ADAMTS12: variants seen among roughly 807,000 people sequenced by gnomAD.
ADAMTS12 encodes the protein A disintegrin and metalloproteinase with thrombospondin motifs 12.
Under a neutral mutation model 167.8 loss-of-function variants are expected in ADAMTS12, and 118 were observed. The observed-to-expected ratio is 0.70, with a 90% CI of 0.61 to 0.82. The LOEUF is 0.82. Ranked by LOEUF, ADAMTS12 falls within the 40% of genes least tolerant of loss-of-function variation. The pLI, the probability that ADAMTS12 is intolerant of heterozygous loss-of-function variation, is 0.00. For missense variants in ADAMTS12, 1,916 were observed against 1,998.8 expected (o/e 0.96, Z 0.79); for synonymous variants, 704 against 716.9 (o/e 0.98, Z 0.29).
chr5:33,576,566 C>T lies in ADAMTS12; in HGVS notation c.3460G>A (p.Glu1154Lys), dbSNP rs751572467. The change falls in exon 19 of 24, where the codon GAG (glutamate) becomes AAG (lysine). Residue 1154 changes from glutamate (E) to lysine (K), a missense_variant. Coordinates refer to ENST00000504830, the MANE Select transcript of ADAMTS12 (RefSeq NM_030955.4). ...YNTLTKGPEMEIHSGSGEERE... is the reference protein window; with the variant it reads ...YNTLTKGPEMKIHSGSGEERE... ...TCTTCCCCTGAGCCACTGTGAATCT[C>T]CATTTCTGGACCTTTGGTCAAGGTA... is the stretch of plus-strand genomic sequence containing the variant. The T allele has an allele frequency of 1.2e-6, 2 of 1,614,154 alleles. No homozygotes were observed. Among genetic ancestry groups the T allele is most frequent in the Non-Finnish European group, 8.5e-7 (1 of 1,180,016 alleles).
chr5:33,753,399 ACT>A (rs1169612252), intron 2 of ADAMTS12, among the ~76,000 whole-genome samples: 4 of 152,132 alleles, frequency 2.6e-5, no homozygotes, highest in African/African-American at 7.2e-5. Flanking sequence ...TGGGAAACAG[ACT>A]CTGTGCAGTA....
intron 2 of ADAMTS12, among the ~76,000 whole-genome samples, chr5:33,806,045 G>A (rs893084486): frequency 1.3e-5 from 2 of 152,114 alleles, no homozygotes; most frequent in East Asian, 1.9e-4. Flanking sequence ...TCTAAAATTA[G>A]ATACTTTTTT....
intron 18 of ADAMTS12, among the ~76,000 whole-genome samples, chr5:33,578,291 G>T (rs375496011): frequency 2.5e-4 from 38 of 152,334 alleles, no homozygotes; most frequent in African/African-American, 8.4e-4. Context: ...GTCCCTATGA[G>T]ATGTACAAGG....
At chr5:33,857,504 C>A (rs1370813276) in intron 2 of ADAMTS12, among the ~76,000 whole-genome samples, 2 of 151,476 alleles carry the variant, frequency 1.3e-5, no homozygotes, top group African/African-American at 4.9e-5. Flanking sequence ...GTTATTATTA[C>A]ATATATATGT....
At chr5:33,729,205 T>A (rs1469420635) in intron 3 of ADAMTS12, among the ~76,000 whole-genome samples, 2 of 152,178 alleles carry the variant, frequency 1.3e-5, no homozygotes, top group East Asian at 3.9e-4. Context: ...TTTGAGTGAA[T>A]AGCAATTCAT....
At chr5:33,779,756 G>T (rs1237177465) in intron 2 of ADAMTS12, among the ~76,000 whole-genome samples, 1 of 152,136 alleles carries the variant, frequency 6.6e-6, no homozygotes, top group Non-Finnish European at 1.5e-5. Flanking sequence ...CTTATATGTG[G>T]AATCTAAAAC....
rs1740467725 is a variant in ADAMTS12, at chr5:33,641,882, GA to G, written c.1645del (p.Ser549HisfsTer92). 2 of 1,613,670 alleles carry G rather than the reference GA, an allele frequency of 1.2e-6. No individual in the cohort carries two copies. The highest frequency in any genetic ancestry group is 1.3e-5 in the African/African-American group (1 of 74,906). The part of the protein sequence containing the change: ...ESIPGGWGRW[S>X]PWSHCSRTCG... ...GGTCCTGGAACAGTGGGACCAGGGT[GA>G]CCAGCGGCCCCAGCCTCCAGGAATG... On this transcript the variant is annotated frameshift_variant, in exon 11 of 24. Transcript: ENST00000504830. LOFTEE classifies it high-confidence loss of function.
chr5:33,848,626 C>G (rs1489587251), intron 2 of ADAMTS12, among the ~76,000 whole-genome samples: 1 of 152,114 alleles, frequency 6.6e-6, no homozygotes, highest in Non-Finnish European at 1.5e-5. Flanking sequence ...ATACAGGTTA[C>G]TTGAGGTTGT....
intron 3 of ADAMTS12, among the ~76,000 whole-genome samples, chr5:33,695,924 G>A (rs1742739709): frequency 6.6e-6 from 1 of 152,140 alleles, no homozygotes. Flanking sequence ...AACTTCCATG[G>A]TAGATGGTGG....
At chr5:33,774,010 TTGGGGAGGTTACTTCCATTTAAAGTAA>T (rs1368418915) in intron 2 of ADAMTS12, among the ~76,000 whole-genome samples, 15 of 152,146 alleles carry the variant, frequency 9.9e-5, no homozygotes, top group African/African-American at 2.2e-4. Context: ...GGTGTGGCCT[TTGGGGAGGTTACTTCCATTTAAAGTAA>T]TGGGGAGGTT....
rs192460875 is a variant in ADAMTS12 at position 33,625,348 on chromosome 5, A to T, written c.2023-997T>A. Among the ~76,000 whole-genome samples the T allele has an allele frequency of 1.9e-3, 240 of 125,334 alleles. 2 individuals are homozygous for T. The highest frequency in any genetic ancestry group is 4.9e-3 in the Middle Eastern group (1 of 206). The allele number at this position is 125,334 out of a possible 152,430, so 82.2% of individuals were successfully genotyped here. On this transcript the variant is annotated intron_variant, in intron 13 of 23. Coordinates refer to ENST00000504830, the MANE Select transcript of ADAMTS12 (RefSeq NM_030955.4). ...TTTAATTATGCTAATAACAATGGGA[A>T]AAAAAGCAATGTGGGAAACAGGTGC...
intron 20 of ADAMTS12, among the ~76,000 whole-genome samples, 183 bp from the exon 21 acceptor site, chr5:33,549,566 G>C (rs1171985448): frequency 6.6e-6 from 1 of 152,206 alleles, no homozygotes; most frequent in Non-Finnish European, 1.5e-5. Context: ...CCCGATGTCG[G>C]GAAACACATG....
At chr5:33,568,632 A>G (rs1746138044) in intron 19 of ADAMTS12, among the ~76,000 whole-genome samples, 1 of 152,240 alleles carries the variant, frequency 6.6e-6, no homozygotes, top group Non-Finnish European at 1.5e-5. Flanking sequence ...CACGAAAAGG[A>G]AAAAATAAGA....
intron 2 of ADAMTS12, among the ~76,000 whole-genome samples, chr5:33,798,790 TCTCTTTAATCTTAATTAC>T (rs1746878627): frequency 6.6e-6 from 1 of 152,136 alleles, no homozygotes; most frequent in Non-Finnish European, 1.5e-5. Flanking sequence ...ACTCTTATGA[TCTCTTTAATCTTAATTAC>T]CTCTTTAAAG....
At chr5:33,788,414 G>A (rs577880728) in intron 2 of ADAMTS12, among the ~76,000 whole-genome samples, 1 of 152,192 alleles carries the variant, frequency 6.6e-6, no homozygotes, top group South Asian at 2.1e-4. Flanking sequence ...GGGATGGGAA[G>A]GGAAAGGAAG....
chr5:33,728,776 T>C (rs1744073329), intron 3 of ADAMTS12, among the ~76,000 whole-genome samples: 1 of 152,250 alleles, frequency 6.6e-6, no homozygotes, highest in African/African-American at 2.4e-5. Flanking sequence ...AAAAGATTTC[T>C]AGAATCAAAC....
chr5:33,880,088 C>T (rs1750373865), intron 2 of ADAMTS12, among the ~76,000 whole-genome samples: 1 of 152,196 alleles, frequency 6.6e-6, no homozygotes, highest in Middle Eastern at 3.2e-3. Flanking sequence ...ATTGTTTGCC[C>T]TGCAGTTGCT....
intron 2 of ADAMTS12, among the ~76,000 whole-genome samples, chr5:33,793,799 C>T (rs1330106923): frequency 6.6e-6 from 1 of 152,074 alleles, no homozygotes; most frequent in Non-Finnish European, 1.5e-5. Context: ...TGTTCCCAGG[C>T]GAAGGGCGAG....
intron 3 of ADAMTS12, among the ~76,000 whole-genome samples, chr5:33,714,128 A>T (rs1401299370): frequency 6.6e-6 from 1 of 152,058 alleles, no homozygotes; most frequent in Non-Finnish European, 1.5e-5. Flanking sequence ...GGGAACCATA[A>T]ATAGGAGATA....
Sources: allele counts gnomAD v4.1 joint callset (sites outside exome capture counted in the v4.1 genomes callset), GRCh38; gene constraint gnomAD v4.1.1; transcripts MANE v1.5; gene names NCBI Gene and HGNC (gene_info 2026-07-23, HGNC 2026-07-21).